The following GRM7 variants were observed in gnomAD, a reference collection of about 807,000 sequenced individuals.
GRM7 encodes the protein metabotropic glutamate receptor 7.
GRM7 carries 35 observed loss-of-function variants against 84.5 expected under a neutral mutation model. The observed-to-expected ratio is 0.41, with a 90% confidence interval of 0.32 to 0.55. The LOEUF is 0.55. Ranked by LOEUF, GRM7 falls within the 20% of genes least tolerant of loss-of-function variation. The pLI is 0.19. For synonymous variants in GRM7, 487 were observed against 455.1 expected (o/e 1.07, Z -0.89); for missense variants, 1,003 against 1,194.6 (o/e 0.84, Z 2.36).
intron 1 of GRM7, among the ~76,000 whole-genome samples, chr3:7,032,724 T>G (rs1696234699): frequency 6.6e-6 from 1 of 152,172 alleles, no homozygotes; most frequent in Non-Finnish European, 1.5e-5. Flanking sequence ...AAAAGTACAT[T>G]AATTTTTACT....
chr3:7,029,993 T>C (rs1696131692), intron 1 of GRM7, among the ~76,000 whole-genome samples: 1 of 152,206 alleles, frequency 6.6e-6, no homozygotes, highest in Admixed American at 6.5e-5. Flanking sequence ...TGTACACAAA[T>C]GTTCATAGCA....
chr3:7,469,151 G>A (rs1698586504), intron 7 of GRM7, among the ~76,000 whole-genome samples: 1 of 152,176 alleles, frequency 6.6e-6, no homozygotes, highest in African/African-American at 2.4e-5. Context: ...ACAGGGACTA[G>A]GTCATTGTTG....
chr3:7,150,539 A>G (rs1416785616), intron 2 of GRM7, among the ~76,000 whole-genome samples: 1 of 152,216 alleles, frequency 6.6e-6, no homozygotes, highest in East Asian at 1.9e-4. Context: ...AGATTTAAAT[A>G]TGTGTGGATA....
intron 1 of GRM7, among the ~76,000 whole-genome samples, chr3:7,018,432 A>G (rs1382505397): frequency 1.3e-5 from 2 of 152,236 alleles, no homozygotes. Context: ...TCTGAGAACT[A>G]TCTACCTAGG....
At chr3:6,945,396 C>T (rs1698033186) in intron 1 of GRM7, among the ~76,000 whole-genome samples, 2 of 152,116 alleles carry the variant, frequency 1.3e-5, no homozygotes, top group Admixed American at 6.5e-5. Flanking sequence ...ACGAACTCAT[C>T]ATTTTTTATG....
At chr3:6,935,805 C>T (rs1157418903) in intron 1 of GRM7, among the ~76,000 whole-genome samples, 1 of 151,848 alleles carries the variant, frequency 6.6e-6, no homozygotes, top group Non-Finnish European at 1.5e-5. Flanking sequence ...AAGCAATTCT[C>T]CTGCCTCAGC....
intron 1 of GRM7, among the ~76,000 whole-genome samples, chr3:7,055,511 A>G (rs61372599): frequency 1.3e-4 from 19 of 146,726 alleles, no homozygotes; most frequent in Non-Finnish European, 2.2e-4. Context: ...GTGTGTATGT[A>G]TATATATATA....
At chr3:7,414,939 A>G in intron 4 of GRM7, 84 bp from the exon 5 acceptor site, 1 of 1,114,552 alleles carries the variant, frequency 9.0e-7, no homozygotes, top group East Asian at 2.7e-5. Flanking sequence ...TGAAACAAAG[A>G]AAAAAAAAGT....
chr3:7,446,578 C>G (rs572307294), intron 5 of GRM7, among the ~76,000 whole-genome samples: 71 of 151,192 alleles, frequency 4.7e-4, no homozygotes, highest in African/African-American at 1.6e-3. Flanking sequence ...TCTCCTGTCT[C>G]AGCCTCTCGA....
chr3:6,959,128 C>A (rs925910645), intron 1 of GRM7, among the ~76,000 whole-genome samples: 4 of 152,156 alleles, frequency 2.6e-5, no homozygotes, highest in African/African-American at 9.7e-5. Context: ...TAAGGCTAAG[C>A]TCTCTCTACA....
intron 1 of GRM7, among the ~76,000 whole-genome samples, chr3:7,057,660 T>A (rs1485462664): frequency 6.6e-6 from 1 of 152,002 alleles, no homozygotes; most frequent in African/African-American, 2.4e-5. Context: ...AATATCTTAA[T>A]GTTTGAGTTA....
intron 4 of GRM7, among the ~76,000 whole-genome samples, chr3:7,373,568 T>A (rs1458891230): frequency 6.6e-6 from 1 of 152,186 alleles, no homozygotes; most frequent in Non-Finnish European, 1.5e-5. Context: ...AGCCCTTACT[T>A]ATTTCTCCCA....
intron 1 of GRM7, among the ~76,000 whole-genome samples, chr3:7,083,809 A>C (rs541231639): frequency 6.6e-6 from 1 of 152,246 alleles, no homozygotes; most frequent in African/African-American, 2.4e-5. Context: ...CGAAAATCAA[A>C]GGCCTTTCTG....
At chr3:7,242,099 G>C (rs146107085) in intron 2 of GRM7, among the ~76,000 whole-genome samples, 3,444 of 152,056 alleles carry the variant, frequency 0.023, 72 homozygotes, top group African/African-American at 0.056. Flanking sequence ...ACCCCTTTTT[G>C]TGCCAGATCT....
At chr3:7,257,889 T>A (rs1231688243) in intron 2 of GRM7, among the ~76,000 whole-genome samples, 1 of 152,142 alleles carries the variant, frequency 6.6e-6, no homozygotes, top group Non-Finnish European at 1.5e-5. Flanking sequence ...GGAACATGGG[T>A]GATTAGCCTC....
At chr3:7,698,942 C>T (rs12637620) in intron 9 of GRM7, among the ~76,000 whole-genome samples, 47,063 of 152,000 alleles carry the variant, frequency 0.31, 7,862 homozygotes, top group East Asian at 0.7. Context: ...GTTTTACAAC[C>T]AAGGAGTAGC....
intron 2 of GRM7, among the ~76,000 whole-genome samples, chr3:7,272,746 T>A (rs1698912207): frequency 6.6e-6 from 1 of 152,032 alleles, no homozygotes; most frequent in Non-Finnish European, 1.5e-5. Context: ...TCTTTTTTTT[T>A]CTTAGTCAGT....
intron 1 of GRM7, among the ~76,000 whole-genome samples, chr3:6,910,672 G>A (rs1696737462): frequency 6.6e-6 from 1 of 152,058 alleles, no homozygotes; most frequent in Non-Finnish European, 1.5e-5. Context: ...AATTGCTTGA[G>A]GCCAGAAATT....
intron 2 of GRM7, among the ~76,000 whole-genome samples, chr3:7,243,738 T>A (rs1212905512): frequency 2.0e-5 from 3 of 152,114 alleles, no homozygotes; most frequent in Non-Finnish European, 4.4e-5. Flanking sequence ...GACAATTTCA[T>A]CATTGTGTGA....
Sources: gnomAD v4.1 joint callset for allele counts (sites outside exome capture counted in the v4.1 genomes callset) on GRCh38, gnomAD v4.1.1 for gene constraint, MANE v1.5 for transcripts, NCBI Gene and HGNC (gene_info 2026-07-23, HGNC 2026-07-21) for gene names.